ZNF292: variants seen among roughly 807,000 people sequenced by gnomAD.
ZNF292 encodes the protein 16 zinc-finger domain protein.
In ZNF292, 26 loss-of-function variants were observed where a neutral mutation model predicts 217.9. The ratio of observed to expected loss-of-function variants is 0.12; its 90% CI spans 0.09 to 0.17. The LOEUF (loss-of-function observed/expected upper bound fraction) is 0.17. ZNF292 is among the 10% of genes least tolerant of loss of function. ZNF292 has a pLI of 1.00. For synonymous variants in ZNF292, 1,257 were observed against 1,124.1 expected (o/e 1.12, Z -2.37); for missense variants, 2,904 against 3,175.2 (o/e 0.91, Z 2.05).
intron 1 of ZNF292, among the ~76,000 whole-genome samples, chr6:87,210,704 C>T (rs912111307): frequency 2.6e-5 from 4 of 152,038 alleles, no homozygotes; most frequent in South Asian, 2.1e-4. Context: ...GGCGTGAACC[C>T]GGGAGGCGGA....
At chr6:87,213,311 CAT>C (rs1772582640) in intron 1 of ZNF292, among the ~76,000 whole-genome samples, 1 of 152,136 alleles carries the variant, frequency 6.6e-6, no homozygotes, top group African/African-American at 2.4e-5. Flanking sequence ...AGCACTCAAA[CAT>C]AAATTTAATT....
intron 1 of ZNF292, among the ~76,000 whole-genome samples, chr6:87,204,105 A>C (rs1450479206): frequency 6.6e-6 from 1 of 152,204 alleles, no homozygotes; most frequent in Non-Finnish European, 1.5e-5. Context: ...AGCCAAATTG[A>C]GGGATATTCT....
intron 5 of ZNF292, among the ~76,000 whole-genome samples, chr6:87,236,083 C>T (rs1320159966): frequency 6.6e-6 from 1 of 152,236 alleles, no homozygotes; most frequent in African/African-American, 2.4e-5. Flanking sequence ...TTGTCCCCAA[C>T]CCAGAGACAT....
rs575249778 is a variant in ZNF292 at position 87,210,875 on chromosome 6, C to T, written c.169-5028C>T. On this transcript the variant is annotated intron_variant, in intron 1 of 7. Transcript: ENST00000369577. ...GGGAGATCTTGGGTCATCACTCAGC[C>T]CTAGCTAGTTGCCATGCTGGGATGT... Among the ~76,000 whole-genome samples the T allele has an allele frequency of 2.6e-5, 4 of 152,252 alleles. No homozygotes were observed. The East Asian group carries it at 7.7e-4, about 29-fold the overall frequency.
Position 87,263,044 on chromosome 6 carries a change from AATG to A in ZNF292, c.*1246_*1248del, listed in dbSNP as rs565858314. Reference sequence around the variant, plus strand: ...TTTGTCTGTATTTCTCACCATATCTAATGATACTTTTTTCATTAGATTGGTCTT... The same window carrying A: ...TTTGTCTGTATTTCTCACCATATCTAATACTTTTTTCATTAGATTGGTCTT... On this transcript the variant is annotated 3_prime_UTR_variant, in exon 8 of 8. Coordinates refer to ENST00000369577, the MANE Select transcript of ZNF292 (RefSeq NM_015021.3). 1.3e-5 allele frequency: 2 copies of A among 152,024 alleles called. No homozygotes were observed. Among genetic ancestry groups the A allele is most frequent in the Non-Finnish European group, 2.9e-5 (2 of 67,894 alleles). 9.4% of individuals were successfully genotyped at this position (152,024 alleles called of 1,614,324 possible). A position where few individuals can be genotyped will look rare whatever the true frequency, so the allele number is the denominator to read the frequency against.
chr6:87,213,436 G>T (rs1483952030), intron 1 of ZNF292, among the ~76,000 whole-genome samples: 3 of 152,180 alleles, frequency 2.0e-5, no homozygotes, highest in African/African-American at 7.2e-5. Context: ...CCTGACGCAG[G>T]TATCCCCTAC....
At position 87,257,524 on chromosome 6, in the gene ZNF292, T is replaced by C. The variant is rs1272465045; in HGVS notation, c.3895T>C (p.Ser1299Pro). Reference sequence around the variant, plus strand: ...GGAAAATAATACAAATCATTATTCCTCACAGATTGAAGGAAACACTAATTC... The same window carrying C: ...GGAAAATAATACAAATCATTATTCCCCACAGATTGAAGGAAACACTAATTC... ...QLENNTNHYS[S>P]QIEGNTNSSF... The change falls in exon 8 of 8, where the codon TCA becomes CCA. Residue 1299 changes from serine (S) to proline (P), a missense_variant. Physicochemically the swap from Ser to Pro is moderately conservative, Grantham distance 74 (BLOSUM62 -1). Coordinates refer to ENST00000369577, the MANE Select transcript of ZNF292 (RefSeq NM_015021.3). The C allele has an allele frequency of 2.5e-6, 4 of 1,608,916 alleles. No individual in the cohort carries two copies. In the Admixed American group the frequency reaches 6.8e-5, roughly 27 times the overall value.
chr6:87,258,422 A>G lies in ZNF292; in HGVS notation c.4793A>G (p.Asn1598Ser), dbSNP rs1775361098. The change falls in exon 8 of 8, where the codon AAT becomes AGT. Residue 1598 changes from asparagine to serine, a missense_variant. Physicochemically the swap from Asn to Ser is conservative, Grantham distance 46. Coordinates refer to ENST00000369577, the MANE Select transcript of ZNF292 (RefSeq NM_015021.3). ...SFPNSGGPSQ[N>S]FTSNSSRVSV... is the part of the protein sequence containing the mutation. Reference sequence around the variant, plus strand: ...CCTAATTCTGGTGGGCCATCACAAAATTTTACCAGTAACAGTTCTCGTGTT... The same window carrying G: ...CCTAATTCTGGTGGGCCATCACAAAGTTTTACCAGTAACAGTTCTCGTGTT... 3 of 1,613,664 alleles carry G rather than the reference A, an allele frequency of 1.9e-6. No individual in the cohort carries two copies. The highest frequency in any genetic ancestry group is 1.3e-5 in the African/African-American group (1 of 75,026).
At chr6:87,159,495 C>CTTT (rs772140637) in intron 1 of ZNF292, among the ~76,000 whole-genome samples, 11 of 124,436 alleles carry the variant, frequency 8.8e-5, no homozygotes, top group African/African-American at 2.8e-4. Flanking sequence ...TCTTTTCTTT[C>CTTT]TTTTTTTTTT....
At chr6:87,232,544 C>T (rs1773707374) in intron 4 of ZNF292, among the ~76,000 whole-genome samples, 1 of 152,032 alleles carries the variant, frequency 6.6e-6, no homozygotes, top group Non-Finnish European at 1.5e-5. Flanking sequence ...CTTGTTAAAA[C>T]TTAAATTCTC....
At chr6:87,236,639 G>C (rs1773919593) in intron 5 of ZNF292, among the ~76,000 whole-genome samples, 1 of 152,006 alleles carries the variant, frequency 6.6e-6, no homozygotes, top group Non-Finnish European at 1.5e-5. Flanking sequence ...CTCTGTAGCT[G>C]TCTCATTTCC....
At chr6:87,219,228 A>G (rs1408323440) in intron 4 of ZNF292, among the ~76,000 whole-genome samples, 1 of 152,154 alleles carries the variant, frequency 6.6e-6, no homozygotes, top group East Asian at 1.9e-4. Context: ...AGATGGCTAA[A>G]TTACTTATAT....
chr6:87,242,156 T>C (rs975057807), intron 5 of ZNF292, among the ~76,000 whole-genome samples: 2 of 152,216 alleles, frequency 1.3e-5, no homozygotes, highest in African/African-American at 2.4e-5. Flanking sequence ...TATCCTTCGG[T>C]CTTTTTTTAT....
rs911420210 is a variant in ZNF292 at position 87,265,826 on chromosome 6, T to C, written c.*4025T>C. On this transcript the variant is annotated 3_prime_UTR_variant, in exon 8 of 8. Coordinates refer to ENST00000369577, the MANE Select transcript of ZNF292 (RefSeq NM_015021.3). The stretch of plus-strand genomic sequence containing the variant: ...CAATTTATATATCCCAATGGGTTGA[T>C]TCCTTTGCTGTATTGGTTGTTAATG... Among the ~76,000 whole-genome samples, 2 of 152,236 alleles carry C rather than the reference T, an allele frequency of 1.3e-5. No individual in the cohort carries two copies. Among genetic ancestry groups the C allele is most frequent in the African/African-American group, 2.4e-5 (1 of 41,466 alleles).
rs1401522223 is a variant in ZNF292, at chr6:87,262,345, T to G, written c.*544T>G. 6.6e-6 allele frequency: 1 copy of G among 152,130 alleles called. No individual in the cohort carries two copies. Among genetic ancestry groups the G allele is most frequent in the African/African-American group, 2.4e-5 (1 of 41,454 alleles). The allele number at this position is 152,130 out of a possible 1,614,324, so 9.4% of individuals were successfully genotyped here. A position where few individuals can be genotyped will look rare whatever the true frequency, so the allele number is the denominator to read the frequency against. ...AGAAACTCTGCCATAGTTCATTGAT[T>G]TTTACATGAAACATTTATTTACAAG... On this transcript the variant is annotated 3_prime_UTR_variant, in exon 8 of 8. Coordinates refer to ENST00000369577, the MANE Select transcript of ZNF292 (RefSeq NM_015021.3).
At chr6:87,159,362 T>A (rs1770644316) in intron 1 of ZNF292, among the ~76,000 whole-genome samples, 1 of 151,892 alleles carries the variant, frequency 6.6e-6, no homozygotes, top group African/African-American at 2.4e-5. Flanking sequence ...TCATAAATTT[T>A]AAATTTTTTT....
In ZNF292 at chr6:87,254,937, G is replaced by A. The variant is rs760219177; in HGVS notation, c.1308G>A (p.Leu436=). ...NSLRCELLLV[L]KTQWPFDPEF... ...TACGCTGTGAGCTGTTACTTGTATT[G>A]AAAACTCAATGGCCCTTTGATCCAG... The change falls in exon 8 of 8, where the codon TTG becomes TTA. Residue 436 remains leucine, a synonymous_variant. Transcript: ENST00000369577. 3 of 1,613,710 alleles carry A rather than the reference G, an allele frequency of 1.9e-6. No individual in the cohort carries two copies. The African/African-American group carries it at 4.0e-5, about 22-fold the overall frequency.
chr6:87,155,787 CT>C, intron 1 of ZNF292, 28 bp downstream of exon 1: 1 of 1,558,296 alleles, frequency 6.4e-7, no homozygotes, highest in Non-Finnish European at 8.7e-7. Context: ...TCCCCTCCCC[CT>C]TTCCCCAGCT....
In ZNF292 at chr6:87,264,570, A is replaced by G. The variant is rs1385045736; in HGVS notation, c.*2769A>G. ...GGTAGGTAGTTGGGAAAGTCTTTGT[A>G]GAAAATATGAGTTTTGAAAGATGAA... is the stretch of plus-strand genomic sequence containing the variant. On this transcript the variant is annotated 3_prime_UTR_variant, in exon 8 of 8. Coordinates refer to ENST00000369577, the MANE Select transcript of ZNF292 (RefSeq NM_015021.3). 1.3e-5 allele frequency among the ~76,000 whole-genome samples: 2 copies of G among 152,188 alleles called. No individual in the cohort carries two copies. The highest frequency in any genetic ancestry group is 6.5e-5 in the Admixed American group (1 of 15,278).
Sources: allele counts gnomAD v4.1 joint callset (sites outside exome capture counted in the v4.1 genomes callset), GRCh38; gene constraint gnomAD v4.1.1; transcripts MANE v1.5; gene names NCBI Gene and HGNC (gene_info 2026-07-23, HGNC 2026-07-21).